The following CDH13 variants were observed in gnomAD, a reference collection of about 807,000 sequenced individuals.
CDH13 encodes the protein cadherin-13.
In CDH13, 24 loss-of-function variants were observed where a neutral mutation model predicts 63.8. The ratio of observed to expected loss-of-function variants is 0.38; its 90% CI spans 0.27 to 0.53. The LOEUF (loss-of-function observed/expected upper bound fraction) is 0.53. CDH13 is among the 20% of genes least tolerant of loss of function. The probability of loss-of-function intolerance (pLI) is 0.85; values close to 1 mark genes in which losing one functional copy is unlikely to be tolerated. For missense variants in CDH13, 1,049 were observed against 903.1 expected, an observed-to-expected ratio of 1.16 and a Z score of -2.07; for synonymous variants, 503 against 355.3, an observed-to-expected ratio of 1.42 and a Z score of -4.67.
At chr16:83,663,416 A>G (rs1236259359) in intron 8 of CDH13, among the ~76,000 whole-genome samples, 1 of 152,364 alleles carries the variant, frequency 6.6e-6, no homozygotes, top group Non-Finnish European at 1.5e-5. Context: ...CATTTGGACT[A>G]CAGTTGAGTC....
At chr16:83,406,169 A>G (rs1158749636) in intron 6 of CDH13, among the ~76,000 whole-genome samples, 3 of 152,338 alleles carry the variant, frequency 2.0e-5, no homozygotes, top group South Asian at 2.1e-4. Flanking sequence ...TGTCTATGAA[A>G]GGGCAATTCT....
intron 8 of CDH13, among the ~76,000 whole-genome samples, chr16:83,658,850 CGT>C (rs1913153280): frequency 2.1e-5 from 3 of 143,782 alleles, no homozygotes; most frequent in Admixed American, 6.8e-5. Flanking sequence ...CACCAGGTCC[CGT>C]ATCCTCACCA....
At chr16:83,062,672 G>A (rs927555252) in intron 3 of CDH13, among the ~76,000 whole-genome samples, 10 of 152,210 alleles carry the variant, frequency 6.6e-5, no homozygotes, top group Non-Finnish European at 1.3e-4. Flanking sequence ...GTAGAGAGGT[G>A]TTTCAGTTAG....
At chr16:82,943,680 T>C (rs1045660674) in intron 2 of CDH13, among the ~76,000 whole-genome samples, 1 of 152,212 alleles carries the variant, frequency 6.6e-6, no homozygotes, top group Non-Finnish European at 1.5e-5. Context: ...CAAGACACTT[T>C]GGAGAACAAA....
chr16:82,785,525 C>G lies in CDH13; in HGVS notation c.46-72837C>G, dbSNP rs558383086. 3.3e-5 allele frequency among the ~76,000 whole-genome samples: 5 copies of G among 152,136 alleles called. No individual in the cohort carries two copies. The South Asian group carries it at 8.3e-4, about 25-fold the overall frequency. On this transcript the variant is annotated intron_variant, in intron 1 of 13. Transcript: ENST00000567109. Reference sequence around the variant, plus strand: ...GTTCTAATGCCGGTGGAGAGAGGTACAAGATAAATCACTCCAAGTAAATGA... The same window carrying G: ...GTTCTAATGCCGGTGGAGAGAGGTAGAAGATAAATCACTCCAAGTAAATGA...
intron 6 of CDH13, among the ~76,000 whole-genome samples, chr16:83,415,254 C>T (rs2092183039): frequency 6.6e-6 from 1 of 152,020 alleles, no homozygotes; most frequent in Non-Finnish European, 1.5e-5. Flanking sequence ...TCCGAACGGA[C>T]CCATAACTCA....
At chr16:82,749,488 A>C (rs9927002) in intron 1 of CDH13, among the ~76,000 whole-genome samples, 14,085 of 152,146 alleles carry the variant, frequency 0.093, 1,148 homozygotes, top group African/African-American at 0.22. Context: ...GAACTCATCT[A>C]TTCCTCCTAA....
intron 5 of CDH13, among the ~76,000 whole-genome samples, chr16:83,251,578 T>G (rs1222589746): frequency 6.6e-6 from 1 of 152,208 alleles, no homozygotes; most frequent in Non-Finnish European, 1.5e-5. Context: ...GACTGAATCC[T>G]GAATGTCAGG....
At chr16:83,620,184 A>G (rs1490552710) in intron 8 of CDH13, among the ~76,000 whole-genome samples, 1 of 152,084 alleles carries the variant, frequency 6.6e-6, no homozygotes, top group Non-Finnish European at 1.5e-5. Context: ...CGAGGTCAAG[A>G]GATGGAGACC....
intron 4 of CDH13, among the ~76,000 whole-genome samples, chr16:83,189,889 TAGTG>T (rs1281006457): frequency 3.9e-5 from 6 of 152,288 alleles, no homozygotes; most frequent in Admixed American, 6.5e-5. Context: ...GTTCTCATGA[TAGTG>T]AGTAAGTCTC....
At chr16:82,705,242 T>C (rs895586297) in intron 1 of CDH13, 3 of 446,468 alleles carry the variant, frequency 6.7e-6, no homozygotes, top group African/African-American at 6.1e-5. Flanking sequence ...GAGGACAAGG[T>C]GCGGCTGCAC....
intron 2 of CDH13, among the ~76,000 whole-genome samples, chr16:82,899,121 C>T (rs1567642614): frequency 6.6e-6 from 1 of 152,218 alleles, no homozygotes; most frequent in Non-Finnish European, 1.5e-5. Flanking sequence ...AAATAGAGGG[C>T]ACAGTGTGCC....
At chr16:82,723,504 T>A (rs917728406) in intron 1 of CDH13, among the ~76,000 whole-genome samples, 5 of 152,126 alleles carry the variant, frequency 3.3e-5, no homozygotes, top group Non-Finnish European at 7.4e-5. Flanking sequence ...CAGCAAAACC[T>A]CCTGTGAAGT....
chr16:83,155,402 G>T (rs1375982670), intron 4 of CDH13, among the ~76,000 whole-genome samples: 2 of 152,160 alleles, frequency 1.3e-5, no homozygotes, highest in Admixed American at 1.3e-4. Flanking sequence ...AATGTCTTTT[G>T]TTTCTCTGGG....
At chr16:82,802,793 C>A (rs1346880166) in intron 1 of CDH13, among the ~76,000 whole-genome samples, 1 of 152,206 alleles carries the variant, frequency 6.6e-6, no homozygotes, top group African/African-American at 2.4e-5. Context: ...CCTCTTCAAG[C>A]TGCCAGGAAA....
chr16:83,693,154 C>T (rs1183856369), intron 10 of CDH13, among the ~76,000 whole-genome samples: 17 of 152,172 alleles, frequency 1.1e-4, no homozygotes, highest in Admixed American at 1.1e-3. Context: ...ACTTCCTGAG[C>T]ACAAATCCCC....
At chr16:82,878,152 C>A (rs2040571207) in intron 2 of CDH13, among the ~76,000 whole-genome samples, 1 of 152,046 alleles carries the variant, frequency 6.6e-6, no homozygotes, top group African/African-American at 2.4e-5. Context: ...AACCCCTCTC[C>A]CTCTCCAGTA....
chr16:83,766,193 C>G (rs1914373412), intron 11 of CDH13, among the ~76,000 whole-genome samples: 1 of 152,188 alleles, frequency 6.6e-6, no homozygotes. Flanking sequence ...CCACCACACA[C>G]TGTTTTCTCC....
intron 5 of CDH13, among the ~76,000 whole-genome samples, chr16:83,312,037 A>G (rs1201763858): frequency 1.5e-5 from 2 of 135,324 alleles, no homozygotes; most frequent in East Asian, 4.3e-4. Context: ...TGTGCATTGC[A>G]CTCCAGCCTG....
Sources: allele counts gnomAD v4.1 joint callset (sites outside exome capture counted in the v4.1 genomes callset), GRCh38; gene constraint gnomAD v4.1.1; transcripts MANE v1.5; gene names NCBI Gene and HGNC (gene_info 2026-07-23, HGNC 2026-07-21).